MBNL2: variants seen among roughly 807,000 people sequenced by gnomAD.
The protein encoded by MBNL2 is muscleblind like splicing regulator 2, also known as muscleblind-like protein 2.
MBNL2 carries 17 observed loss-of-function variants against 41.9 expected under a neutral mutation model. That is an observed-to-expected ratio of 0.41 (90% CI 0.28 to 0.61). The LOEUF (loss-of-function observed/expected upper bound fraction) is 0.61. MBNL2 is among the 20% of genes least tolerant of loss of function. The probability of loss-of-function intolerance (pLI) is 0.35; values close to 1 mark genes in which losing one functional copy is unlikely to be tolerated. For synonymous variants in MBNL2, 195 were observed against 182.9 expected (o/e 1.07, Z -0.53); for missense variants, 336 against 505.6 (o/e 0.66, Z 3.22).
At chr13:97,278,569 C>G (rs9300399) in intron 2 of MBNL2, among the ~76,000 whole-genome samples, 10,003 of 152,162 alleles carry the variant, frequency 0.066, 942 homozygotes, top group African/African-American at 0.2. Context: ...CATCACATCA[C>G]TTTGGATTCA....
the MBNL2 span, among the ~76,000 whole-genome samples, chr13:97,202,620 A>C: frequency 2.6e-5 from 4 of 152,240 alleles, no homozygotes; most frequent in African/African-American, 9.6e-5. Context: ...TGTTTAAAAA[A>C]AATAAGTATT....
chr13:97,198,461 A>T, the MBNL2 span, among the ~76,000 whole-genome samples: 1 of 150,466 alleles, frequency 6.6e-6, no homozygotes, highest in South Asian at 2.1e-4. Context: ...AAGCCCCAAG[A>T]TCTGCAGGGT....
At chr13:97,204,003 T>C in the MBNL2 span, among the ~76,000 whole-genome samples, 1 of 152,282 alleles carries the variant, frequency 6.6e-6, no homozygotes, top group East Asian at 1.9e-4. Context: ...AAATAAGTAC[T>C]AAAAGAAATA....
chr13:97,237,416 A>C (rs1221814581), intron 1 of MBNL2, among the ~76,000 whole-genome samples: 1 of 152,234 alleles, frequency 6.6e-6, no homozygotes, highest in African/African-American at 2.4e-5. Context: ...GATGAGGAGA[A>C]AATTATTTCT....
chr13:97,275,267 A>G (rs1425166138), intron 1 of MBNL2, among the ~76,000 whole-genome samples: 1 of 152,240 alleles, frequency 6.6e-6, no homozygotes, highest in Non-Finnish European at 1.5e-5. Context: ...ATAATTGTTT[A>G]TAGCATTCCC....
intron 3 of MBNL2, among the ~76,000 whole-genome samples, chr13:97,341,706 T>G (rs1190460882): frequency 6.6e-6 from 1 of 152,234 alleles, no homozygotes; most frequent in Non-Finnish European, 1.5e-5. Context: ...TTCCTGCCTG[T>G]CTGATAACTG....
the MBNL2 span, among the ~76,000 whole-genome samples, chr13:97,198,818 A>T: frequency 6.6e-6 from 1 of 152,156 alleles, no homozygotes; most frequent in East Asian, 1.9e-4. Flanking sequence ...ACTTTTTACC[A>T]TCTTCACTGC....
At chr13:97,154,540 T>C in the MBNL2 span, among the ~76,000 whole-genome samples, 1 of 152,140 alleles carries the variant, frequency 6.6e-6, no homozygotes, top group African/African-American at 2.4e-5. Context: ...GGTCTTGAAC[T>C]CCTAGCCTGA....
At chr13:97,176,146 A>C in the MBNL2 span, among the ~76,000 whole-genome samples, 1 of 152,190 alleles carries the variant, frequency 6.6e-6, no homozygotes, top group Admixed American at 6.5e-5. Context: ...AAATCTCAGC[A>C]TATCCTGGCC....
upstream of MBNL2, among the ~76,000 whole-genome samples, chr13:97,216,761 T>C (rs2040407658): frequency 6.6e-6 from 1 of 152,188 alleles, no homozygotes; most frequent in Non-Finnish European, 1.5e-5. Flanking sequence ...AGGAGATTAC[T>C]TCATAACTGC....
At chr13:97,312,149 A>G (rs1008087271) in intron 2 of MBNL2, among the ~76,000 whole-genome samples, 35 of 152,240 alleles carry the variant, frequency 2.3e-4, no homozygotes, top group African/African-American at 8.2e-4. Flanking sequence ...TAAGAAAAGT[A>G]TAGCTGCACA....
At chr13:97,261,054 T>A (rs2048523548) in intron 1 of MBNL2, among the ~76,000 whole-genome samples, 1 of 151,900 alleles carries the variant, frequency 6.6e-6, no homozygotes, top group Non-Finnish European at 1.5e-5. Context: ...CACTGCTTCC[T>A]CCAACACTGT....
the MBNL2 span, among the ~76,000 whole-genome samples, chr13:97,147,264 G>GT: frequency 6.6e-6 from 1 of 152,202 alleles, no homozygotes. Flanking sequence ...TTAGAGGAAT[G>GT]TTTTTTCTCT....
chr13:97,296,188 C>T (rs1254034617), intron 2 of MBNL2, among the ~76,000 whole-genome samples: 7 of 152,170 alleles, frequency 4.6e-5, no homozygotes, highest in Non-Finnish European at 8.8e-5. Flanking sequence ...CATAATGTTA[C>T]AAAGTGATTG....
chr13:97,292,854 A>G (rs1223334880), intron 2 of MBNL2, among the ~76,000 whole-genome samples: 4 of 152,002 alleles, frequency 2.6e-5, no homozygotes, highest in Admixed American at 2.6e-4. Flanking sequence ...AAGATTTTCA[A>G]TTTTATCACT....
chr13:97,304,197 A>G (rs1490689064), intron 2 of MBNL2, among the ~76,000 whole-genome samples: 1 of 152,240 alleles, frequency 6.6e-6, no homozygotes, highest in African/African-American at 2.4e-5. Context: ...AAAATCTCTG[A>G]TTAATTCAGT....
Position 97,222,350 on chromosome 13 carries a change from T to C in MBNL2, c.-786T>C, listed in dbSNP as rs1746411826. 2.5e-6 allele frequency: 1 copy of C among 398,546 alleles called. No homozygotes were observed. The highest frequency in any genetic ancestry group is 4.4e-6 in the Non-Finnish European group (1 of 226,028). 24.7% of individuals were successfully genotyped at this position (398,546 alleles called of 1,614,324 possible). A position where few individuals can be genotyped will look rare whatever the true frequency, so the allele number is the denominator to read the frequency against. The stretch of plus-strand genomic sequence containing the variant: ...CAGAGTTTAGACTGTCTTTGCTTCA[T>C]CATCTGAAGGTAAAATTTTCCAGAT... On this transcript the variant is annotated 5_prime_UTR_variant, in exon 1 of 9. Coordinates refer to ENST00000679496, the MANE Select transcript of MBNL2 (RefSeq NM_001382683.1).
chr13:97,152,951 G>T, the MBNL2 span, among the ~76,000 whole-genome samples: 1 of 152,154 alleles, frequency 6.6e-6, no homozygotes, highest in Non-Finnish European at 1.5e-5. Context: ...ATTAACTCTA[G>T]ATTGGAGCAG....
At chr13:97,320,119 G>C (rs574264092) in intron 2 of MBNL2, among the ~76,000 whole-genome samples, 8 of 152,118 alleles carry the variant, frequency 5.3e-5, no homozygotes, top group African/African-American at 1.9e-4. Flanking sequence ...GGCTGTGCTC[G>C]CTTCCCAAGG....
Sources: gnomAD v4.1 joint callset for allele counts (sites outside exome capture counted in the v4.1 genomes callset) on GRCh38, gnomAD v4.1.1 for gene constraint, MANE v1.5 for transcripts, NCBI Gene and HGNC (gene_info 2026-07-23, HGNC 2026-07-21) for gene names.